The following SNX30 variants were observed in gnomAD, a reference collection of about 807,000 sequenced individuals.
SNX30 encodes sorting nexin family member 30.
SNX30 carries 24 observed loss-of-function variants against 46.4 expected under a neutral mutation model. The observed-to-expected ratio is 0.52, with a 90% CI of 0.37 to 0.73. SNX30 has a LOEUF of 0.73. Among genes scored for constraint, SNX30 ranks in the 30% least tolerant of loss-of-function variants. The pLI is 0.00. For synonymous variants in SNX30, 189 were observed against 211.5 expected, an observed-to-expected ratio of 0.89 and a Z score of 0.92; for missense variants, 533 against 555.7, an observed-to-expected ratio of 0.96 and a Z score of 0.41.
chr9:112,827,742 TGAG>T (rs1308206044), intron 3 of SNX30, among the ~76,000 whole-genome samples: 1 of 152,214 alleles, frequency 6.6e-6, no homozygotes, highest in Non-Finnish European at 1.5e-5. Context: ...TATGGGGGTT[TGAG>T]GAGGTTGTGG....
intron 1 of SNX30, among the ~76,000 whole-genome samples, chr9:112,790,844 G>T (rs1350272653): frequency 1.3e-5 from 2 of 152,140 alleles, no homozygotes. Context: ...GATAATTTGG[G>T]AGGAGCCTGA....
chr9:112,816,804 A>G (rs1436374173), intron 2 of SNX30, among the ~76,000 whole-genome samples: 3 of 152,216 alleles, frequency 2.0e-5, no homozygotes, highest in Non-Finnish European at 4.4e-5. Context: ...TCTGAGAACC[A>G]TGACAGTCAT....
At chr9:112,858,100 C>T (rs933697410) in intron 7 of SNX30, among the ~76,000 whole-genome samples, 1 of 152,106 alleles carries the variant, frequency 6.6e-6, no homozygotes, top group African/African-American at 2.4e-5. Flanking sequence ...TGATATTTTT[C>T]CTTGGTGTCA....
rs149871208 is a variant in SNX30, at chr9:112,862,952, A to G, written c.1102-1295A>G. On this transcript the variant is annotated intron_variant, in intron 7 of 8. Coordinates refer to ENST00000374232, the MANE Select transcript of SNX30 (RefSeq NM_001012994.2). ...AAAAATTCCTTGCTTTTAAATTTCC[A>G]GAGTGTCTAGTTATCTCTCTCTCCA... 7.3e-3 allele frequency among the ~76,000 whole-genome samples: 1,117 copies of G among 152,078 alleles called. 22 individuals carry two copies. Among genetic ancestry groups the G allele is most frequent in the African/African-American group, 0.026 (1,067 of 41,500 alleles).
chr9:112,861,694 G>T (rs1238507614), intron 7 of SNX30, among the ~76,000 whole-genome samples: 2 of 152,162 alleles, frequency 1.3e-5, no homozygotes, highest in Admixed American at 6.5e-5. Flanking sequence ...TCTCCGTGCC[G>T]CTGTGGGCCC....
downstream of SNX30, among the ~76,000 whole-genome samples, chr9:112,876,430 G>A (rs1008350824): frequency 4.5e-4 from 69 of 151,778 alleles, no homozygotes; most frequent in African/African-American, 1.4e-3. Context: ...CCTGAGCAAC[G>A]TAGACCCCGT....
chr9:112,845,738 G>T (rs988196942), intron 6 of SNX30, among the ~76,000 whole-genome samples: 1 of 152,196 alleles, frequency 6.6e-6, no homozygotes, highest in South Asian at 2.1e-4. Flanking sequence ...AACCAGGGTG[G>T]TCCCTCAATG....
chr9:112,883,414 A>C (rs183221586), downstream of SNX30, among the ~76,000 whole-genome samples: 1 of 152,230 alleles, frequency 6.6e-6, no homozygotes, highest in East Asian at 1.9e-4. Flanking sequence ...GCCACTTCCT[A>C]GCTGTGTACC....
intron 3 of SNX30, 32 bp downstream of exon 3, chr9:112,817,847 A>C: frequency 1.4e-4 from 202 of 1,418,870 alleles, no homozygotes; most frequent in Non-Finnish European, 1.8e-4. Flanking sequence ...CTTGTTTCTC[A>C]CTTGTCCTGT....
chr9:112,782,910 C>T (rs567344035), intron 1 of SNX30, among the ~76,000 whole-genome samples: 47 of 152,282 alleles, frequency 3.1e-4, no homozygotes, highest in East Asian at 7.7e-4. Flanking sequence ...TTTATTTTTC[C>T]GGATTCTGTT....
intron 6 of SNX30, among the ~76,000 whole-genome samples, chr9:112,839,532 G>A (rs1840821361): frequency 6.6e-6 from 1 of 152,184 alleles, no homozygotes; most frequent in African/African-American, 2.4e-5. Context: ...GTAGAGTGCA[G>A]GAGGAAATGC....
chr9:112,810,329 TCTC>T (rs559777096), intron 2 of SNX30, among the ~76,000 whole-genome samples: 59 of 152,126 alleles, frequency 3.9e-4, no homozygotes, highest in Non-Finnish European at 7.8e-4. Flanking sequence ...TGATTTTGTT[TCTC>T]CTCTAGCAGT....
intron 6 of SNX30, among the ~76,000 whole-genome samples, chr9:112,848,834 T>A (rs912661): frequency 0.81 from 123,082 of 152,144 alleles, 49,998 homozygotes; most frequent in South Asian, 0.88. Context: ...GAGGAGATGC[T>A]TTTGCACTGT....
Position 112,864,147 on chromosome 9 carries a change from T to C in SNX30, c.1102-100T>C, listed in dbSNP as rs906807147. On this transcript the variant is annotated intron_variant, in intron 7 of 8. Coordinates refer to ENST00000374232, the MANE Select transcript of SNX30 (RefSeq NM_001012994.2). Reference sequence around the variant, plus strand: ...AGGGAGCGTGTTGATAGCATTTTAATGTAGGGCTTTGGCCTTTGACAAATG... The same window carrying C: ...AGGGAGCGTGTTGATAGCATTTTAACGTAGGGCTTTGGCCTTTGACAAATG... 1.5e-5 allele frequency: 19 copies of C among 1,266,872 alleles called. No individual in the cohort carries two copies. In the East Asian group the frequency reaches 4.6e-4, roughly 30 times the overall value. The allele number at this position is 1,266,872 out of a possible 1,614,324, so 78.5% of individuals were successfully genotyped here. A position where few individuals can be genotyped will look rare whatever the true frequency, so the allele number is the denominator to read the frequency against.
chr9:112,867,136 C>G (rs891771283), intron 8 of SNX30, among the ~76,000 whole-genome samples: 3 of 125,584 alleles, frequency 2.4e-5, no homozygotes, highest in African/African-American at 6.1e-5. Context: ...TCCCCACCCC[C>G]TCGGAACTCC....
At chr9:112,811,970 T>C (rs1020855672) in intron 2 of SNX30, among the ~76,000 whole-genome samples, 3 of 152,240 alleles carry the variant, frequency 2.0e-5, no homozygotes, top group African/African-American at 7.2e-5. Context: ...TCTGCCTGTT[T>C]TATGAATACT....
chr9:112,776,790 T>A (rs1390441841), intron 1 of SNX30, among the ~76,000 whole-genome samples: 7 of 152,194 alleles, frequency 4.6e-5, no homozygotes, highest in Admixed American at 4.6e-4. Context: ...AGGCCTCCTT[T>A]CAGGATGTGT....
intron 1 of SNX30, among the ~76,000 whole-genome samples, chr9:112,778,596 A>T (rs564841268): frequency 6.6e-6 from 1 of 152,302 alleles, no homozygotes; most frequent in East Asian, 1.9e-4. Context: ...TGGTCAAAAT[A>T]GTCAGAGGGT....
chr9:112,856,030 C>G (rs1319405588), intron 7 of SNX30, among the ~76,000 whole-genome samples: 1 of 152,152 alleles, frequency 6.6e-6, no homozygotes, highest in African/African-American at 2.4e-5. Context: ...GAGCTCTTGC[C>G]TTTTCCTGTC....
Sources: gnomAD v4.1 joint callset for allele counts (sites outside exome capture counted in the v4.1 genomes callset) on GRCh38, gnomAD v4.1.1 for gene constraint, MANE v1.5 for transcripts, NCBI Gene and HGNC (gene_info 2026-07-23, HGNC 2026-07-21) for gene names.